The following TRPM3 variants were observed in gnomAD, a reference collection of about 807,000 sequenced individuals.
The protein encoded by TRPM3 is transient receptor potential cation channel subfamily M member 3.
A neutral mutation model predicts 181.2 loss-of-function variants in TRPM3; 77 were observed. That is an observed-to-expected ratio of 0.42 (90% CI 0.35 to 0.51). TRPM3 has a LOEUF of 0.51. TRPM3 is among the 20% of genes least tolerant of loss of function. TRPM3 has a pLI of 0.01. For synonymous variants in TRPM3, 745 were observed against 796.4 expected, an observed-to-expected ratio of 0.94 and a Z score of 1.09; for missense variants, 1,759 against 2,196.7, an observed-to-expected ratio of 0.80 and a Z score of 3.98.
intron 1 of TRPM3, among the ~76,000 whole-genome samples, chr9:70,934,698 T>C (rs1158150942): frequency 6.6e-6 from 1 of 152,206 alleles, no homozygotes; most frequent in Non-Finnish European, 1.5e-5. Flanking sequence ...AAAAAACATG[T>C]ATAACTACAT....
intron 22 of TRPM3, among the ~76,000 whole-genome samples, chr9:70,555,777 C>A (rs1365172672): frequency 3.3e-5 from 5 of 152,214 alleles, no homozygotes; most frequent in African/African-American, 1.2e-4. Flanking sequence ...CACTCCCTCC[C>A]AGCCTAACAG....
At chr9:70,972,537 G>A (rs1290150570) in intron 1 of TRPM3, among the ~76,000 whole-genome samples, 1 of 152,066 alleles carries the variant, frequency 6.6e-6, no homozygotes, top group African/African-American at 2.4e-5. Flanking sequence ...AAAGTGTTCT[G>A]GAATTCGAGA....
At chr9:71,251,135 TAAC>T (rs538325898) in intron 1 of TRPM3, among the ~76,000 whole-genome samples, 31 of 152,300 alleles carry the variant, frequency 2.0e-4, no homozygotes, top group African/African-American at 7.2e-4. Flanking sequence ...ATGAGTTTGA[TAAC>T]AATTTTCTGA....
At chr9:70,785,145 G>A (rs990681859) in intron 6 of TRPM3, among the ~76,000 whole-genome samples, 12 of 152,186 alleles carry the variant, frequency 7.9e-5, no homozygotes, top group South Asian at 2.1e-4. Flanking sequence ...AGCTAGGCAC[G>A]TGATGTGAGT....
At chr9:70,922,804 T>C (rs2096671255) in intron 1 of TRPM3, among the ~76,000 whole-genome samples, 1 of 152,218 alleles carries the variant, frequency 6.6e-6, no homozygotes, top group Admixed American at 6.5e-5. Context: ...AGTCTCGTTT[T>C]CTTTCCACAT....
At chr9:71,273,209 A>G (rs1043399139) in intron 1 of TRPM3, among the ~76,000 whole-genome samples, 3 of 152,296 alleles carry the variant, frequency 2.0e-5, no homozygotes, top group East Asian at 3.9e-4. Context: ...CATGACCAGA[A>G]TCCTGAAGTT....
At chr9:71,147,006 C>A (rs527457354) in intron 1 of TRPM3, among the ~76,000 whole-genome samples, 2 of 152,082 alleles carry the variant, frequency 1.3e-5, no homozygotes, top group Non-Finnish European at 2.9e-5. Context: ...AACCCGTCTG[C>A]GAGGGAAACC....
At chr9:71,235,337 G>A (rs1414412336) in intron 1 of TRPM3, among the ~76,000 whole-genome samples, 1 of 152,156 alleles carries the variant, frequency 6.6e-6, no homozygotes, top group Non-Finnish European at 1.5e-5. Flanking sequence ...CATTGCATAT[G>A]TCACTATTTG....
intron 1 of TRPM3, among the ~76,000 whole-genome samples, chr9:71,202,644 G>A (rs200803567): frequency 6.6e-6 from 1 of 152,268 alleles, no homozygotes; most frequent in South Asian, 2.1e-4. Flanking sequence ...ACAGTGCAGG[G>A]TGGTATGTCA....
intron 22 of TRPM3, among the ~76,000 whole-genome samples, chr9:70,561,134 T>C (rs749511481): frequency 6.6e-6 from 1 of 152,228 alleles, no homozygotes; most frequent in African/African-American, 2.4e-5. Context: ...CTTAGTTGAG[T>C]ATCTGACTAC....
At chr9:70,812,283 G>A (rs1363090633) in intron 6 of TRPM3, among the ~76,000 whole-genome samples, 1 of 152,204 alleles carries the variant, frequency 6.6e-6, no homozygotes, top group Non-Finnish European at 1.5e-5. Context: ...TTGGCAGCTG[G>A]TAGCTGGCTG....
chr9:70,697,550 C>A (rs988300713), intron 8 of TRPM3, among the ~76,000 whole-genome samples: 8 of 152,148 alleles, frequency 5.3e-5, no homozygotes, highest in African/African-American at 1.9e-4. Flanking sequence ...CAAAACTCTG[C>A]ATAAAAATTA....
intron 1 of TRPM3, among the ~76,000 whole-genome samples, chr9:70,974,010 C>T (rs1380157071): frequency 5.9e-5 from 9 of 152,118 alleles, no homozygotes; most frequent in Admixed American, 5.9e-4. Flanking sequence ...GTATGCACTA[C>T]ATAAATGAAA....
At chr9:70,639,820 C>T (rs2057781040) in intron 10 of TRPM3, among the ~76,000 whole-genome samples, 1 of 152,128 alleles carries the variant, frequency 6.6e-6, no homozygotes, top group Non-Finnish European at 1.5e-5. Flanking sequence ...CAAATCTTTC[C>T]ATGTTAGCAA....
chr9:70,859,971 A>G (rs2095483274), intron 3 of TRPM3, among the ~76,000 whole-genome samples: 1 of 152,132 alleles, frequency 6.6e-6, no homozygotes, highest in Admixed American at 6.5e-5. Context: ...GCCTGTCACC[A>G]ATGCCATTCA....
At chr9:70,895,071 A>G (rs2096263536) in intron 1 of TRPM3, among the ~76,000 whole-genome samples, 1 of 152,142 alleles carries the variant, frequency 6.6e-6, no homozygotes, top group Non-Finnish European at 1.5e-5. Flanking sequence ...ATCAAATGTT[A>G]TATTGTACAT....
intron 20 of TRPM3, among the ~76,000 whole-genome samples, chr9:70,599,075 C>G (rs1191165523): frequency 6.6e-6 from 1 of 152,134 alleles, no homozygotes; most frequent in Admixed American, 6.5e-5. Flanking sequence ...ATCCTCTGCA[C>G]CAAGTCCTAT....
chr9:71,214,117 A>C (rs1426510006), intron 1 of TRPM3, among the ~76,000 whole-genome samples: 1 of 152,208 alleles, frequency 6.6e-6, no homozygotes, highest in Non-Finnish European at 1.5e-5. Flanking sequence ...GAGTAATTAT[A>C]GTCTTTGTTG....
chr9:70,770,577 T>C (rs1341189117), intron 7 of TRPM3, among the ~76,000 whole-genome samples: 4 of 152,202 alleles, frequency 2.6e-5, no homozygotes, highest in Non-Finnish European at 4.4e-5. Flanking sequence ...TGGAATGACA[T>C]AGTTAAGATG....
Sources: allele counts gnomAD v4.1 joint callset (sites outside exome capture counted in the v4.1 genomes callset), GRCh38; gene constraint gnomAD v4.1.1; transcripts MANE v1.5; gene names NCBI Gene and HGNC (gene_info 2026-07-23, HGNC 2026-07-21).